Variants in SEPTIN2 observed in about 807,000 individuals in gnomAD.
SEPTIN2 encodes septin 2, also known as septin-2.
A neutral mutation model predicts 46.5 loss-of-function variants in SEPTIN2; 34 were observed. The observed-to-expected ratio is 0.73, with a 90% CI of 0.56 to 0.97. SEPTIN2 has a LOEUF of 0.97. Ranked by LOEUF, SEPTIN2 falls within the 50% of genes least tolerant of loss-of-function variation. The pLI is 0.00. For synonymous variants in SEPTIN2, 175 were observed against 153.4 expected, an observed-to-expected ratio of 1.14 and a Z score of -1.04; for missense variants, 347 against 448.4, an observed-to-expected ratio of 0.77 and a Z score of 2.04.
Position 241,320,313 on chromosome 2 carries a change from G to T in SEPTIN2, c.-17-3903G>T, listed in dbSNP as rs768371865. ...GTATGTCTTTAATCAGCTGCTTAGT[G>T]ATACTTGTTTTAGTCAGATTTTCCA... is the stretch of plus-strand genomic sequence containing the variant. On this transcript the variant is annotated intron_variant, in intron 1 of 12. Transcript: ENST00000391971. 1.4e-4 allele frequency: 68 copies of T among 471,060 alleles called. 3 individuals carry two copies. In the Middle Eastern group the frequency reaches 0.013, roughly 92 times the overall value. 29.2% of individuals were successfully genotyped at this position (471,060 alleles called of 1,614,324 possible). A position where few individuals can be genotyped will look rare whatever the true frequency, so the allele number is the denominator to read the frequency against.
At chr2:241,338,324 T>C (rs907413602) in intron 7 of SEPTIN2, among the ~76,000 whole-genome samples, 7 of 152,114 alleles carry the variant, frequency 4.6e-5, no homozygotes, top group Non-Finnish European at 8.8e-5. Context: ...TATTTTTAAA[T>C]TGCTTACTTT....
chr2:241,349,382 AAAT>A (rs1428470819), intron 11 of SEPTIN2, among the ~76,000 whole-genome samples: 3 of 117,406 alleles, frequency 2.6e-5, no homozygotes, highest in African/African-American at 8.9e-5. Context: ...AAAAAAAAAA[AAAT>A]ATATATATAT....
intron 1 of SEPTIN2, among the ~76,000 whole-genome samples, chr2:241,319,671 A>C (rs1174382175): frequency 1.3e-5 from 2 of 152,092 alleles, no homozygotes; most frequent in Non-Finnish European, 2.9e-5. Flanking sequence ...GGCTCACTAC[A>C]GCCTTCACCT....
At chr2:241,340,642 T>G in intron 7 of SEPTIN2, among the ~76,000 whole-genome samples, 1 of 152,316 alleles carries the variant, frequency 6.6e-6, no homozygotes, top group South Asian at 2.1e-4. Flanking sequence ...ATGGGGGTGG[T>G]GTCAGGGTTA....
chr2:241,325,815 T>A (rs2077868478), intron 2 of SEPTIN2, among the ~76,000 whole-genome samples, 178 bp from the exon 3 acceptor site: 1 of 152,230 alleles, frequency 6.6e-6, no homozygotes. Flanking sequence ...CTTTTTTTAA[T>A]GCTCCTAGTT....
At chr2:241,316,247 T>G in intron 1 of SEPTIN2, 2 of 384,018 alleles carry the variant, frequency 5.2e-6, no homozygotes, top group Non-Finnish European at 4.7e-6. Flanking sequence ...GGTGACCCCT[T>G]GTTGACCCTG....
In SEPTIN2 at chr2:241,347,549, A is replaced by G. The variant is rs183451506; in HGVS notation, c.927-585A>G. 6.6e-5 allele frequency among the ~76,000 whole-genome samples: 10 copies of G among 152,334 alleles called. No individual in the cohort carries two copies. The East Asian group carries it at 7.7e-4, about 12-fold the overall frequency. On this transcript the variant is annotated intron_variant, in intron 10 of 12. Transcript: ENST00000391971. ...CCTTAAATGTGGTGACTACATTCGC[A>G]TTAATAAAGAATAACATCTCAAAGC...
At chr2:241,322,127 A>C (rs1312072474) in intron 1 of SEPTIN2, among the ~76,000 whole-genome samples, 1 of 152,162 alleles carries the variant, frequency 6.6e-6, no homozygotes, top group African/African-American at 2.4e-5. Context: ...CACAGTATTC[A>C]GGAAGTTAAG....
intron 1 of SEPTIN2, among the ~76,000 whole-genome samples, chr2:241,322,796 G>T (rs147600291): frequency 1.1e-4 from 17 of 152,154 alleles, no homozygotes; most frequent in African/African-American, 3.9e-4. Flanking sequence ...TGGCAAACAT[G>T]TTCAAGTTAC....
In SEPTIN2 at chr2:241,337,657, C is replaced by G. The variant is rs950278763; in HGVS notation, c.477-16C>G. On this transcript the variant is annotated splice_polypyrimidine_tract_variant and intron_variant, in intron 6 of 12. Transcript: ENST00000391971. ...TATTTTTTTTAAATAAGTGACAATTCTAAAATTAATTTTAGACTTAAGCCC... is the reference window on the plus strand; with the variant it reads ...TATTTTTTTTAAATAAGTGACAATTGTAAAATTAATTTTAGACTTAAGCCC... The G allele has an allele frequency of 1.9e-6, 3 of 1,598,066 alleles. No homozygotes were observed. The highest frequency in any genetic ancestry group is 1.1e-5 in the South Asian group (1 of 88,240).
At chr2:241,335,083 C>T (rs1559629057) in intron 3 of SEPTIN2, 43 bp from the exon 4 acceptor site, 1 of 1,367,380 alleles carries the variant, frequency 7.3e-7, no homozygotes, top group Admixed American at 1.7e-5. Flanking sequence ...TGAATGGTGT[C>T]ATATGAATAA....
Position 241,337,730 on chromosome 2 carries a change from G to C in SEPTIN2, c.534G>C (p.Val178=), listed in dbSNP as rs201454643. Residue 178 remains valine (V), a synonymous_variant, in exon 7 of 13, where the codon GTG becomes GTC. Coordinates refer to ENST00000391971, the MANE Select transcript of SEPTIN2 (RefSeq NM_004404.5). ...MKAIHNKVNI[V]PVIAKADTLT... ...CAATACACAACAAGGTGAATATTGTGCCTGTCATTGCAAAAGCTGACACTC... is the reference window on the plus strand; with the variant it reads ...CAATACACAACAAGGTGAATATTGTCCCTGTCATTGCAAAAGCTGACACTC... The C allele has an allele frequency of 1.2e-5, 19 of 1,613,994 alleles. No individual in the cohort carries two copies. The highest frequency in any genetic ancestry group is 1.6e-5 in the Non-Finnish European group (19 of 1,179,998).
At chr2:241,341,423 C>T (rs781607040) in intron 7 of SEPTIN2, among the ~76,000 whole-genome samples, 1 of 152,130 alleles carries the variant, frequency 6.6e-6, no homozygotes, top group African/African-American at 2.4e-5. Flanking sequence ...CTTCTCTCCT[C>T]CAAAGTGTAA....
At chr2:241,317,321 A>T (rs769154577) in intron 1 of SEPTIN2, among the ~76,000 whole-genome samples, 1 of 151,954 alleles carries the variant, frequency 6.6e-6, no homozygotes, top group African/African-American at 2.4e-5. Context: ...CTCAACTTCC[A>T]CCTTGATTTC....
intron 11 of SEPTIN2, among the ~76,000 whole-genome samples, chr2:241,349,271 A>G (rs1419621001): frequency 6.6e-6 from 1 of 151,952 alleles, no homozygotes; most frequent in Non-Finnish European, 1.5e-5. Flanking sequence ...CGGGAGGCTG[A>G]GGCAGAAGGA....
intron 1 of SEPTIN2, among the ~76,000 whole-genome samples, chr2:241,321,222 A>G (rs2077069136): frequency 2.0e-5 from 3 of 151,926 alleles, no homozygotes; most frequent in Admixed American, 2.0e-4. Flanking sequence ...TGTTTACTGA[A>G]TCTGTCCGGT....
intron 3 of SEPTIN2, among the ~76,000 whole-genome samples, chr2:241,332,761 C>G (rs2079206304): frequency 6.6e-6 from 1 of 152,212 alleles, no homozygotes; most frequent in Non-Finnish European, 1.5e-5. Flanking sequence ...TGTGGTGTAG[C>G]CATACAATGG....
At position 241,324,199 on chromosome 2, in the gene SEPTIN2, TG is replaced by T; in HGVS notation, c.-17-16del. 1.9e-6 allele frequency: 3 copies of T among 1,607,408 alleles called. No individual in the cohort carries two copies. The highest frequency in any genetic ancestry group is 2.2e-5 in the East Asian group (1 of 44,816). ...GTATGTGCGTTTATGTGTGTCTGTG[TG>T]TTTTTTTTTTAACAGACGAAGCTTC... is the stretch of plus-strand genomic sequence containing the variant. On this transcript the variant is annotated splice_polypyrimidine_tract_variant and intron_variant, in intron 1 of 12. Coordinates refer to ENST00000391971, the MANE Select transcript of SEPTIN2 (RefSeq NM_004404.5).
intron 3 of SEPTIN2, among the ~76,000 whole-genome samples, chr2:241,331,619 A>C (rs765067144): frequency 6.6e-6 from 1 of 152,222 alleles, no homozygotes; most frequent in African/African-American, 2.4e-5. Flanking sequence ...TTAAACTCCT[A>C]GCCTGAAGTG....
Sources: allele counts gnomAD v4.1 joint callset (sites outside exome capture counted in the v4.1 genomes callset), GRCh38; gene constraint gnomAD v4.1.1; transcripts MANE v1.5; gene names NCBI Gene and HGNC (gene_info 2026-07-23, HGNC 2026-07-21).